TK1: variants seen among roughly 807,000 people sequenced by gnomAD.
TK1 encodes thymidine kinase 1.
Under a neutral mutation model 22.4 loss-of-function variants are expected in TK1, and 13 were observed. The observed-to-expected ratio is 0.58, with a 90% CI of 0.38 to 0.92. The LOEUF is 0.92. Ranked by LOEUF, TK1 falls within the 40% of genes least tolerant of loss-of-function variation. TK1 has a pLI of 0.00. For missense variants in TK1, 251 were observed against 315.7 expected (o/e 0.80, Z 1.55); for synonymous variants, 134 against 125.4 (o/e 1.07, Z -0.46).
At chr17:78,180,220 C>T (rs2075728933) in intron 4 of TK1, among the ~76,000 whole-genome samples, 1 of 152,264 alleles carries the variant, frequency 6.6e-6, no homozygotes, top group Admixed American at 6.5e-5. Flanking sequence ...TCCGCCACGT[C>T]TCTTCCCCTC....
At chr17:78,175,272 C>A in intron 5 of TK1, 103 bp from the exon 6 acceptor site, 1 of 1,411,936 alleles carries the variant, frequency 7.1e-7, no homozygotes, top group South Asian at 1.4e-5. Flanking sequence ...AGAGTTTGCT[C>A]TGACCTTAGT....
chr17:78,182,334 G>T lies in TK1; in HGVS notation c.303+255C>A, dbSNP rs4306580. On this transcript the variant is annotated intron_variant, in intron 4 of 6. Coordinates refer to ENST00000301634, the MANE Select transcript of TK1 (RefSeq NM_003258.5). ...AAGTTTGCGGTGAGATTGTGCCATC[G>T]TACTCCGGCCTGGGCAACAAGAGCA... 0.085 allele frequency among the ~76,000 whole-genome samples: 12,560 copies of T among 147,456 alleles called. 885 individuals carry two copies. The highest frequency in any genetic ancestry group is 0.19 in the African/African-American group (7,577 of 39,696).
chr17:78,186,695 G>A (rs139163612), intron 2 of TK1, 92 bp downstream of exon 2: 44,978 of 1,092,122 alleles, frequency 0.041, 1,475 homozygotes, highest in African/African-American at 0.15. Context: ...AAGGGGAGGG[G>A]AGGGGAGGGG....
In TK1 at chr17:78,178,735, A is replaced by G. The variant is rs555644968; in HGVS notation, c.304-3117T>C. ...TCTTGGCTCACTGCAACCTTCGCCT[A>G]CCGGGTTCAAGCGATTCTCCTGCCT... On this transcript the variant is annotated intron_variant, in intron 4 of 6. Coordinates refer to ENST00000301634, the MANE Select transcript of TK1 (RefSeq NM_003258.5). Among the ~76,000 whole-genome samples the G allele has an allele frequency of 4.1e-4, 62 of 152,216 alleles. 2 individuals carry two copies. Among genetic ancestry groups the G allele is most frequent in the African/African-American group, 1.3e-3 (55 of 41,550 alleles).
At chr17:78,179,230 CATGTCCCCAAAGCTG>C in intron 4 of TK1, 1 of 985,392 alleles carries the variant, frequency 1.0e-6, no homozygotes, top group Middle Eastern at 5.2e-4. Flanking sequence ...CTGAGAGGGC[CATGTCCCCAAAGCTG>C]ATGCAAAATC....
At position 78,174,959 on chromosome 17, in the gene TK1, A is replaced by G. The variant is rs2075687165; in HGVS notation, c.514-9T>C. 6.2e-7 allele frequency: 1 copy of G among 1,611,974 alleles called. No homozygotes were observed. The highest frequency in any genetic ancestry group is 2.2e-5 in the East Asian group (1 of 44,822). On this transcript the variant is annotated splice_polypyrimidine_tract_variant and intron_variant, in intron 6 of 6. Transcript: ENST00000301634. ...CCCCCAATCACCTCGACCTGGCCGC[A>G]GGGACAGGGGATGGGTGAAGGGCCA...
upstream of TK1, chr17:78,187,178 C>G (rs533105613): frequency 3.3e-5 from 29 of 891,494 alleles, no homozygotes; most frequent in Admixed American, 1.7e-4. Context: ...AGCCCGCCCC[C>G]TCGTGGGAGG....
At chr17:78,186,702 G>A in intron 2 of TK1, 85 bp downstream of exon 2, 1 of 1,129,948 alleles carries the variant, frequency 8.8e-7, no homozygotes, top group Non-Finnish European at 1.2e-6. Flanking sequence ...GGGGAGGGGA[G>A]GGGAGGGAAG....
At chr17:78,180,643 C>T (rs1370826425) in intron 4 of TK1, among the ~76,000 whole-genome samples, 1 of 152,138 alleles carries the variant, frequency 6.6e-6, no homozygotes, top group East Asian at 1.9e-4. Flanking sequence ...ACTTGTCAAA[C>T]AAAACGGAGC....
In TK1 at chr17:78,187,021, G is replaced by T. The variant is rs1388531910; in HGVS notation, c.-27C>A. The T allele has an allele frequency of 1.3e-6, 2 of 1,588,500 alleles. No individual in the cohort carries two copies. The highest frequency in any genetic ancestry group is 2.7e-5 in the African/African-American group (2 of 74,088). On this transcript the variant is annotated 5_prime_UTR_variant, in exon 1 of 7. Coordinates refer to ENST00000301634, the MANE Select transcript of TK1 (RefSeq NM_003258.5). ...GCGCCTCCGGGAAGTTCACGAACCC[G>T]AGTACTCTCCAAGGCCGTCCCGCAG...
chr17:78,176,491 A>C (rs1054997054), intron 4 of TK1, among the ~76,000 whole-genome samples: 1 of 152,076 alleles, frequency 6.6e-6, no homozygotes, highest in Non-Finnish European at 1.5e-5. Context: ...GTGAGGACTA[A>C]GGGGTGGCTC....
chr17:78,183,145 A>G (rs920593969), intron 3 of TK1, among the ~76,000 whole-genome samples: 1 of 152,112 alleles, frequency 6.6e-6, no homozygotes, highest in African/African-American at 2.4e-5. Context: ...AAAACCAGTT[A>G]TTTATACAAG....
At chr17:78,176,858 C>G (rs2075704080) in intron 4 of TK1, among the ~76,000 whole-genome samples, 1 of 152,142 alleles carries the variant, frequency 6.6e-6, no homozygotes, top group South Asian at 2.1e-4. Context: ...CACCTCCCAC[C>G]CCCCAGCTGC....
At chr17:78,184,222 A>T (rs1276089143) in intron 3 of TK1, among the ~76,000 whole-genome samples, 1 of 152,248 alleles carries the variant, frequency 6.6e-6, no homozygotes, top group African/African-American at 2.4e-5. Context: ...CTCCACCAGC[A>T]TCTGGCTTCA....
At position 78,175,613 on chromosome 17, in the gene TK1, A is replaced by G; in HGVS notation, c.309T>C (p.Pro103=). The change falls in exon 5 of 7, where the codon CCT becomes CCC. Residue 103 remains proline, a synonymous_variant. Transcript: ENST00000301634. ...TGGCCTCGCAGAACTCCACGATGTCAGGGAACTGGAAAGGGCACGTGGAGA... is the reference window on the plus strand; with the variant it reads ...TGGCCTCGCAGAACTCCACGATGTCGGGGAACTGGAAAGGGCACGTGGAGA... ...VIGIDEGQFF[P]DIVEFCEAMA... is the part of the protein sequence containing the mutation. The G allele has an allele frequency of 6.2e-7, 1 of 1,613,314 alleles. No individual in the cohort carries two copies. The highest frequency in any genetic ancestry group is 8.5e-7 in the Non-Finnish European group (1 of 1,179,778).
chr17:78,174,625 A>G lies in TK1; in HGVS notation c.*134T>C, dbSNP rs1181773918. 5.0e-6 allele frequency: 5 copies of G among 1,004,914 alleles called. No homozygotes were observed. Among genetic ancestry groups the G allele is most frequent in the Non-Finnish European group, 7.1e-6 (5 of 705,366 alleles). 62.2% of individuals were successfully genotyped at this position (1,004,914 alleles called of 1,614,324 possible). A position where few individuals can be genotyped will look rare whatever the true frequency, so the allele number is the denominator to read the frequency against. On this transcript the variant is annotated 3_prime_UTR_variant, in exon 7 of 7. Transcript: ENST00000301634. ...GGCAGGTGGGGCAGCCACACAAAGG[A>G]GAGTTCCCAGAAGGCCAAGGTGTGG... is the stretch of plus-strand genomic sequence containing the variant.
intron 4 of TK1, among the ~76,000 whole-genome samples, chr17:78,182,200 C>G (rs2075742531): frequency 6.6e-6 from 1 of 151,908 alleles, no homozygotes; most frequent in Admixed American, 6.6e-5. Flanking sequence ...CATGGAGAAA[C>G]CCCATCTCTA....
intron 4 of TK1, among the ~76,000 whole-genome samples, chr17:78,182,280 A>T (rs2145827490): frequency 6.6e-6 from 1 of 151,698 alleles, no homozygotes; most frequent in East Asian, 1.9e-4. Flanking sequence ...AGGCTGAGAC[A>T]GGAGAGAATT....
At chr17:78,177,158 G>A (rs2075706629) in intron 4 of TK1, among the ~76,000 whole-genome samples, 1 of 152,170 alleles carries the variant, frequency 6.6e-6, no homozygotes, top group Non-Finnish European at 1.5e-5. Flanking sequence ...CTCCCAAAGT[G>A]CTGGGATCAC....
Sources: allele counts gnomAD v4.1 joint callset (sites outside exome capture counted in the v4.1 genomes callset), GRCh38; gene constraint gnomAD v4.1.1; transcripts MANE v1.5; gene names NCBI Gene and HGNC (gene_info 2026-07-23, HGNC 2026-07-21).